The following SDK1 variants were observed in gnomAD, a reference collection of about 807,000 sequenced individuals.
SDK1 encodes sidekick cell adhesion molecule 1, also known as protein sidekick-1.
In SDK1, 157 loss-of-function variants were observed where a neutral mutation model predicts 245.5. The observed-to-expected ratio is 0.64, with a 90% confidence interval of 0.56 to 0.73. The LOEUF (loss-of-function observed/expected upper bound fraction) is 0.73, where lower values mean the gene tolerates loss of function less well. Among genes scored for constraint, SDK1 ranks in the 30% least tolerant of loss-of-function variants. The pLI is 0.00. For synonymous variants in SDK1, 1,647 were observed against 1,278.5 expected (o/e 1.29, Z -6.15); for missense variants, 3,583 against 3,002.3 (o/e 1.19, Z -4.52).
At chr7:4,224,632 G>C (rs7781569) in intron 40 of SDK1, among the ~76,000 whole-genome samples, 65,242 of 151,770 alleles carry the variant, frequency 0.43, 15,461 homozygotes, top group African/African-American at 0.64. Context: ...TTCAATTTTA[G>C]TTTATATATC....
intron 16 of SDK1, among the ~76,000 whole-genome samples, chr7:4,014,105 C>A (rs1219205120): frequency 6.6e-6 from 1 of 152,228 alleles, no homozygotes; most frequent in South Asian, 2.1e-4. Context: ...GCAGCACAGG[C>A]CTGTCATCCC....
chr7:4,097,237 C>T (rs1374757673), intron 22 of SDK1, among the ~76,000 whole-genome samples: 1 of 152,220 alleles, frequency 6.6e-6, no homozygotes, highest in Admixed American at 6.5e-5. Flanking sequence ...GTGAGGGGCT[C>T]ACCTGGGTCA....
chr7:4,068,482 G>C (rs554138834), intron 20 of SDK1, among the ~76,000 whole-genome samples: 1 of 151,994 alleles, frequency 6.6e-6, no homozygotes, highest in African/African-American at 2.4e-5. Context: ...GCTGTGAGCC[G>C]CAAGGGTGAG....
chr7:3,852,240 TCTGG>T (rs1780435587), intron 5 of SDK1, among the ~76,000 whole-genome samples: 1 of 152,008 alleles, frequency 6.6e-6, no homozygotes, highest in African/African-American at 2.4e-5. Context: ...TAAAAATAGT[TCTGG>T]CTAATATTCC....
intron 39 of SDK1, among the ~76,000 whole-genome samples, chr7:4,220,521 T>A (rs1442755620): frequency 1.3e-5 from 2 of 151,696 alleles, no homozygotes; most frequent in Non-Finnish European, 2.9e-5. Flanking sequence ...AGTTGTTTTT[T>A]TTTTTTTTTG....
intron 4 of SDK1, among the ~76,000 whole-genome samples, chr7:3,689,476 G>A (rs151263188): frequency 6.6e-6 from 1 of 152,192 alleles, no homozygotes; most frequent in African/African-American, 2.4e-5. Flanking sequence ...ACATTATCAA[G>A]TTCTTGTACT....
chr7:4,230,694 A>G (rs1383300394), intron 40 of SDK1, among the ~76,000 whole-genome samples: 2 of 151,978 alleles, frequency 1.3e-5, no homozygotes, highest in Non-Finnish European at 2.9e-5. Context: ...GAATGGATGG[A>G]TGGTTACATG....
chr7:3,372,310 A>G (rs1338659875), intron 1 of SDK1, among the ~76,000 whole-genome samples: 1 of 152,172 alleles, frequency 6.6e-6, no homozygotes, highest in African/African-American at 2.4e-5. Context: ...GTCCAACACA[A>G]CTGATCAGGA....
chr7:3,985,558 T>G (rs4720143), intron 13 of SDK1, among the ~76,000 whole-genome samples: 70,686 of 152,034 alleles, frequency 0.46, 17,617 homozygotes, highest in South Asian at 0.65. Context: ...AGGCCGAGGT[T>G]GGGGAGGATC....
chr7:3,338,404 A>C, intron 1 of SDK1: 1 of 529,004 alleles, frequency 1.9e-6, no homozygotes, highest in South Asian at 1.6e-5. Context: ...CGTGTTGAGC[A>C]CATTAAGCAC....
intron 33 of SDK1, 123 bp from the exon 34 acceptor site, chr7:4,175,652 C>A (rs1782153881): frequency 3.7e-6 from 3 of 817,952 alleles, no homozygotes; most frequent in Non-Finnish European, 6.4e-6. Context: ...CCCCGGGAGG[C>A]GCAGCGTGGG....
chr7:3,951,650 T>C, intron 6 of SDK1, 80 bp from the exon 7 acceptor site: 1 of 1,314,822 alleles, frequency 7.6e-7, no homozygotes, highest in Non-Finnish European at 1.1e-6. Flanking sequence ...TCGTCAAGCC[T>C]GTGCCGAGTG....
chr7:4,137,072 G>A (rs1056618112), intron 28 of SDK1, among the ~76,000 whole-genome samples: 1 of 152,232 alleles, frequency 6.6e-6, no homozygotes, highest in Non-Finnish European at 1.5e-5. Flanking sequence ...TCCCAGTGAT[G>A]CTCACTGAAC....
chr7:3,927,623 C>T (rs1476979604), intron 5 of SDK1, among the ~76,000 whole-genome samples: 2 of 152,184 alleles, frequency 1.3e-5, no homozygotes, highest in Admixed American at 6.6e-5. Flanking sequence ...GGCTGAAGAC[C>T]AAATTCAGCC....
intron 22 of SDK1, among the ~76,000 whole-genome samples, chr7:4,099,795 G>T (rs190274310): frequency 6.6e-6 from 1 of 150,792 alleles, no homozygotes; most frequent in African/African-American, 2.4e-5. Context: ...AAGGGGAGCC[G>T]CAGCTGGTGG....
chr7:3,428,519 C>G (rs941657082), intron 1 of SDK1, among the ~76,000 whole-genome samples: 1 of 152,178 alleles, frequency 6.6e-6, no homozygotes, highest in Non-Finnish European at 1.5e-5. Context: ...GAGGCACAAT[C>G]TGTCTCTTAA....
intron 1 of SDK1, among the ~76,000 whole-genome samples, chr7:3,571,711 G>A (rs1026566111): frequency 6.6e-6 from 1 of 152,078 alleles, no homozygotes; most frequent in Non-Finnish European, 1.5e-5. Context: ...AATCTGCTTT[G>A]AATCATGTGA....
In SDK1 at chr7:3,581,698, G is replaced by A. The variant is rs147393257; in HGVS notation, c.299-37382G>A. On this transcript the variant is annotated intron_variant, in intron 1 of 44. Coordinates refer to ENST00000404826, the MANE Select transcript of SDK1 (RefSeq NM_152744.4). ...TCTACGACAAAGACACATATACATG[G>A]ATATTCATTGCAGCAGTATTCACAA... is the stretch of plus-strand genomic sequence containing the variant. Among the ~76,000 whole-genome samples the A allele has an allele frequency of 3.0e-4, 46 of 152,250 alleles. No homozygotes were observed. The East Asian group carries it at 4.8e-3, about 16-fold the overall frequency.
chr7:4,059,659 G>A (rs1451368165), intron 19 of SDK1, among the ~76,000 whole-genome samples: 1 of 152,152 alleles, frequency 6.6e-6, no homozygotes, highest in East Asian at 1.9e-4. Context: ...ATCAGTACAT[G>A]TAACATTCTC....
Sources: gnomAD v4.1 joint callset for allele counts (sites outside exome capture counted in the v4.1 genomes callset) on GRCh38, gnomAD v4.1.1 for gene constraint, MANE v1.5 for transcripts, NCBI Gene and HGNC (gene_info 2026-07-23, HGNC 2026-07-21) for gene names.